Variants in LIFR observed in about 807,000 individuals in gnomAD.
LIFR encodes the protein leukemia inhibitory factor receptor.
In LIFR, 84 loss-of-function variants were observed where a neutral mutation model predicts 122.2. That is an observed-to-expected ratio of 0.69 (90% CI 0.58 to 0.82). LIFR has a LOEUF of 0.82. Ranked by LOEUF, LIFR falls within the 40% of genes least tolerant of loss-of-function variation. The pLI, the probability that LIFR is intolerant of heterozygous loss-of-function variation, is 0.00. For missense variants in LIFR, 1,294 were observed against 1,311.6 expected (o/e 0.99, Z 0.21); for synonymous variants, 422 against 434.7 (o/e 0.97, Z 0.36).
At chr5:38,510,196 T>C (rs1388285253) in intron 7 of LIFR, among the ~76,000 whole-genome samples, 1 of 152,218 alleles carries the variant, frequency 6.6e-6, no homozygotes, top group Non-Finnish European at 1.5e-5. Context: ...ACTAAGAATT[T>C]AAACTAAACA....
At chr5:38,504,802 G>GA (rs1436603944) in intron 9 of LIFR, among the ~76,000 whole-genome samples, 4 of 152,134 alleles carry the variant, frequency 2.6e-5, no homozygotes, top group African/African-American at 9.7e-5. Flanking sequence ...GTGACACTAG[G>GA]AAAAATCCAG....
intron 1 of LIFR, among the ~76,000 whole-genome samples, chr5:38,573,083 G>C (rs1000708726): frequency 6.6e-6 from 1 of 152,206 alleles, no homozygotes; most frequent in Non-Finnish European, 1.5e-5. Flanking sequence ...AAACCCTAGA[G>C]AGTCAAGTCA....
intron 1 of LIFR, among the ~76,000 whole-genome samples, chr5:38,545,195 G>A (rs1196874481): frequency 6.6e-6 from 1 of 152,066 alleles, no homozygotes; most frequent in African/African-American, 2.4e-5. Context: ...ACTTGAACCC[G>A]GGAGGCGGAG....
chr5:38,548,852 C>T (rs181145823), intron 1 of LIFR, among the ~76,000 whole-genome samples: 288 of 152,280 alleles, frequency 1.9e-3, no homozygotes, highest in African/African-American at 6.5e-3. Flanking sequence ...CCCTGAAATG[C>T]TTTCCGTAAC....
At chr5:38,606,998 G>A (rs191817763) in intron 1 of LIFR, among the ~76,000 whole-genome samples, 1 of 152,310 alleles carries the variant, frequency 6.6e-6, no homozygotes, top group African/African-American at 2.4e-5. Flanking sequence ...TTAATAGCAA[G>A]TCTCTTTCCT....
chr5:38,570,878 C>G (rs1405859377), intron 1 of LIFR, among the ~76,000 whole-genome samples: 2 of 152,176 alleles, frequency 1.3e-5, no homozygotes, highest in African/African-American at 4.8e-5. Context: ...AATACTTACT[C>G]TTCTTATAAT....
At chr5:38,551,435 C>G (rs1748195030) in intron 1 of LIFR, among the ~76,000 whole-genome samples, 1 of 152,210 alleles carries the variant, frequency 6.6e-6, no homozygotes, top group Non-Finnish European at 1.5e-5. Context: ...GCCCCATTAG[C>G]ATTTCTGTCA....
chr5:38,593,222 A>C (rs1457102943), intron 1 of LIFR, among the ~76,000 whole-genome samples: 1 of 152,050 alleles, frequency 6.6e-6, no homozygotes, highest in African/African-American at 2.4e-5. Flanking sequence ...AAACAAAACA[A>C]AACAAAACAA....
chr5:38,586,854 G>A lies in LIFR; in HGVS notation c.-20+8407C>T, dbSNP rs556094964. Among the ~76,000 whole-genome samples the A allele has an allele frequency of 1.1e-4, 16 of 152,166 alleles. No homozygotes were observed. In the South Asian group the frequency reaches 1.5e-3, roughly 14 times the overall value. ...TCTCAAATAGTTTTCAGATGAATGG[G>A]TGCAAAATGGCAGCTTGCATATCTT... On this transcript the variant is annotated intron_variant, in intron 1 of 19. Coordinates refer to the LIFR transcript ENST00000263409.
chr5:38,505,874 T>C (rs775212648), intron 9 of LIFR, 31 bp downstream of exon 9: 2 of 1,478,478 alleles, frequency 1.4e-6, no homozygotes, highest in Non-Finnish European at 1.9e-6. Flanking sequence ...TTTAAAGTTA[T>C]TTTTAAGACA....
At chr5:38,575,294 G>T (rs1310732754) in intron 1 of LIFR, among the ~76,000 whole-genome samples, 2 of 152,176 alleles carry the variant, frequency 1.3e-5, no homozygotes, top group East Asian at 1.9e-4. Flanking sequence ...GGAAGGGGAT[G>T]GTGGGGGCCC....
chr5:38,496,882 C>T (rs1744911489), intron 12 of LIFR, among the ~76,000 whole-genome samples: 1 of 152,076 alleles, frequency 6.6e-6, no homozygotes, highest in Non-Finnish European at 1.5e-5. Context: ...GAGGCTGAGG[C>T]AGGACAATCA....
intron 1 of LIFR, among the ~76,000 whole-genome samples, chr5:38,593,226 A>C (rs1749987714): frequency 6.6e-6 from 1 of 152,106 alleles, no homozygotes; most frequent in Non-Finnish European, 1.5e-5. Context: ...AAAACAAAAC[A>C]AAACAAACAA....
chr5:38,489,361 T>G lies in LIFR; in HGVS notation c.2168-116A>C, dbSNP rs796561948. 9.2e-6 allele frequency: 8 copies of G among 873,678 alleles called. No individual in the cohort carries two copies. The African/African-American group carries it at 1.3e-4, about 15-fold the overall frequency. The allele number at this position is 873,678 out of a possible 1,614,324, so 54.1% of individuals were successfully genotyped here. A position where few individuals can be genotyped will look rare whatever the true frequency, so the allele number is the denominator to read the frequency against. On this transcript the variant is annotated intron_variant, in intron 15 of 19. Transcript: ENST00000453190. ...ATTCAACTTGGAATTAAAACTTTATTTAATCATAAACTTTCAGAGAGAGAT... is the reference window on the plus strand; with the variant it reads ...ATTCAACTTGGAATTAAAACTTTATGTAATCATAAACTTTCAGAGAGAGAT...
intron 2 of LIFR, among the ~76,000 whole-genome samples, chr5:38,604,356 C>T: frequency 1.3e-5 from 2 of 152,148 alleles, no homozygotes; most frequent in East Asian, 3.8e-4. Context: ...CCAGAGACAG[C>T]CATTTGTTTT....
At chr5:38,482,960 G>T (rs1744075484) in intron 18 of LIFR, among the ~76,000 whole-genome samples, 1 of 152,196 alleles carries the variant, frequency 6.6e-6, no homozygotes, top group African/African-American at 2.4e-5. Flanking sequence ...TAGTCCAAAG[G>T]ATCTGGACTA....
chr5:38,573,918 C>A (rs1749297300), intron 1 of LIFR, among the ~76,000 whole-genome samples: 1 of 152,046 alleles, frequency 6.6e-6, no homozygotes, highest in South Asian at 2.1e-4. Context: ...TGAGGCAGAC[C>A]AGCCTGGCCA....
rs1471027440 is a variant in LIFR, at chr5:38,479,635, G to A, written c.*1960C>T. On this transcript the variant is annotated 3_prime_UTR_variant, in exon 20 of 20. Transcript: ENST00000453190. Reference sequence around the variant, plus strand: ...TCCTTGTCCTGGAGAGATAAAGTACGGGATTGATACATTTCAACAGGGAAC... The same window carrying A: ...TCCTTGTCCTGGAGAGATAAAGTACAGGATTGATACATTTCAACAGGGAAC... The A allele has an allele frequency of 4.3e-6, 1 of 229,900 alleles. No individual in the cohort carries two copies. The highest frequency in any genetic ancestry group is 8.6e-6 in the Non-Finnish European group (1 of 116,108). The allele number at this position is 229,900 out of a possible 1,614,324, so 14.2% of individuals were successfully genotyped here.
intron 1 of LIFR, among the ~76,000 whole-genome samples, chr5:38,550,855 C>G (rs1748163383): frequency 6.6e-6 from 1 of 152,210 alleles, no homozygotes; most frequent in Non-Finnish European, 1.5e-5. Context: ...ACCTCTGGGT[C>G]TAAGTTTCTT....
Sources: gnomAD v4.1 joint callset for allele counts (sites outside exome capture counted in the v4.1 genomes callset) on GRCh38, gnomAD v4.1.1 for gene constraint, MANE v1.5 for transcripts, NCBI Gene and HGNC (gene_info 2026-07-23, HGNC 2026-07-21) for gene names.